The following RBMS3 variants were observed in gnomAD, a reference collection of about 807,000 sequenced individuals.
RBMS3 encodes RNA-binding motif, single-stranded-interacting protein 3.
In RBMS3, 27 loss-of-function variants were observed where a neutral mutation model predicts 66.8. The ratio of observed to expected loss-of-function variants is 0.40; its 90% CI spans 0.30 to 0.56. RBMS3 has a LOEUF of 0.56. Among genes scored for constraint, RBMS3 ranks in the 20% least tolerant of loss-of-function variants. The pLI is 0.40. For missense variants in RBMS3, 513 were observed against 549.5 expected (o/e 0.93, Z 0.66); for synonymous variants, 188 against 183.0 (o/e 1.03, Z -0.22).
chr3:29,969,999 A>C (rs1697120068), intron 12 of RBMS3, among the ~76,000 whole-genome samples: 2 of 152,198 alleles, frequency 1.3e-5, no homozygotes, highest in African/African-American at 4.8e-5. Context: ...TAGGAAATTC[A>C]AACCTACATA....
chr3:29,365,109 A>G (rs1030843201), intron 1 of RBMS3, among the ~76,000 whole-genome samples: 2 of 152,160 alleles, frequency 1.3e-5, no homozygotes, highest in Non-Finnish European at 2.9e-5. Context: ...TAATGTTAAT[A>G]TCAAGATTAT....
chr3:29,288,954 CCT>C (rs1234072575), intron 1 of RBMS3, among the ~76,000 whole-genome samples: 2 of 151,902 alleles, frequency 1.3e-5, no homozygotes, highest in South Asian at 2.1e-4. Context: ...TCAAAAAGCC[CCT>C]GTTAGCTGAA....
chr3:29,868,235 A>G (rs907163523), intron 6 of RBMS3, among the ~76,000 whole-genome samples: 4 of 151,656 alleles, frequency 2.6e-5, no homozygotes, highest in Non-Finnish European at 5.9e-5. Context: ...AGTTATAGCC[A>G]TATCCTTTGG....
At chr3:29,640,272 ACACACACACACACC>A (rs970999467) in intron 4 of RBMS3, among the ~76,000 whole-genome samples, 2 of 150,648 alleles carry the variant, frequency 1.3e-5, no homozygotes, top group South Asian at 4.3e-4. Context: ...ACACACACAC[ACACACACACACACC>A]CACACACACA....
chr3:29,397,203 G>A (rs1380842262), intron 1 of RBMS3, among the ~76,000 whole-genome samples: 1 of 152,102 alleles, frequency 6.6e-6, no homozygotes, highest in Non-Finnish European at 1.5e-5. Context: ...GGATGACATG[G>A]CAGATTAGGA....
intron 6 of RBMS3, among the ~76,000 whole-genome samples, chr3:29,865,626 G>C (rs1319284172): frequency 1.3e-5 from 2 of 152,054 alleles, no homozygotes; most frequent in Non-Finnish European, 2.9e-5. Context: ...AGGGAAAACT[G>C]GTATGGGAAC....
In RBMS3 at chr3:30,003,917, G is replaced by A; in HGVS notation, c.*55G>A. 7.2e-7 allele frequency: 1 copy of A among 1,387,958 alleles called. No individual in the cohort carries two copies. The highest frequency in any genetic ancestry group is 9.6e-7 in the Non-Finnish European group (1 of 1,045,848). The allele number at this position is 1,387,958 out of a possible 1,614,324, so 86.0% of individuals were successfully genotyped here. ...TTGCCTTGAATGAAGAAACTTCATT[G>A]AACAAGAAGTTGGCTTCCAGTTTGC... On this transcript the variant is annotated 3_prime_UTR_variant, in exon 15 of 15. Coordinates refer to ENST00000383767, the MANE Select transcript of RBMS3 (RefSeq NM_001003793.3).
intron 12 of RBMS3, among the ~76,000 whole-genome samples, chr3:29,961,958 TTATACA>T (rs1696479012): frequency 6.8e-6 from 1 of 146,838 alleles, no homozygotes; most frequent in Admixed American, 6.9e-5. Flanking sequence ...CCTTCCAGAA[TTATACA>T]TATATATGTA....
At chr3:29,543,697 G>C (rs1212851510) in intron 3 of RBMS3, among the ~76,000 whole-genome samples, 1 of 152,162 alleles carries the variant, frequency 6.6e-6, no homozygotes, top group Admixed American at 6.5e-5. Context: ...GTGACAGAGA[G>C]AGACTCTGTC....
chr3:29,534,437 C>G (rs1170917204), intron 3 of RBMS3, among the ~76,000 whole-genome samples: 1 of 152,104 alleles, frequency 6.6e-6, no homozygotes, highest in Non-Finnish European at 1.5e-5. Context: ...AGAGTTATCT[C>G]ATTTTGTAAT....
intron 4 of RBMS3, among the ~76,000 whole-genome samples, chr3:29,639,589 T>TAGAGAG (rs1216382179): frequency 8.8e-6 from 1 of 113,824 alleles, no homozygotes; most frequent in Non-Finnish European, 1.8e-5. Context: ...AGATAGAAGA[T>TAGAGAG]AGACAGAGAG....
chr3:29,475,638 C>T (rs59728880), intron 2 of RBMS3, among the ~76,000 whole-genome samples: 2,492 of 152,126 alleles, frequency 0.016, 68 homozygotes, highest in African/African-American at 0.055. Flanking sequence ...AAACATTTAC[C>T]GTATATCTAC....
rs192741877 is a variant in RBMS3 at position 29,769,027 on chromosome 3, A to G, written c.637+6038A>G. ...AAAGGAAGGTATTCACTTCACTAAA[A>G]TAGTAAAGTGAATTTCATGGCCCAA... On this transcript the variant is annotated intron_variant, in intron 6 of 14. Transcript: ENST00000383767. Among the ~76,000 whole-genome samples, 652 of 152,102 alleles carry G rather than the reference A, an allele frequency of 4.3e-3. 5 individuals carry two copies. Among genetic ancestry groups the G allele is most frequent in the African/African-American group, 0.015 (606 of 41,540 alleles).
intron 1 of RBMS3, among the ~76,000 whole-genome samples, chr3:29,341,357 C>T (rs2036271743): frequency 6.6e-6 from 1 of 152,040 alleles, no homozygotes; most frequent in Non-Finnish European, 1.5e-5. Flanking sequence ...AGGGAAATTT[C>T]ATTATGTTGC....
At chr3:29,298,760 G>A (rs146468951) in intron 1 of RBMS3, among the ~76,000 whole-genome samples, 3 of 151,918 alleles carry the variant, frequency 2.0e-5, no homozygotes, top group African/African-American at 7.2e-5. Context: ...CAGTGTTTGT[G>A]CAATGTTCAA....
chr3:29,702,456 G>T (rs940504386), intron 4 of RBMS3, among the ~76,000 whole-genome samples: 1 of 152,206 alleles, frequency 6.6e-6, no homozygotes, highest in Non-Finnish European at 1.5e-5. Flanking sequence ...ATGAAAGGCT[G>T]CCAGAGCTGG....
At chr3:29,982,252 G>C (rs1265762026) in intron 12 of RBMS3, among the ~76,000 whole-genome samples, 1 of 152,120 alleles carries the variant, frequency 6.6e-6, no homozygotes, top group Admixed American at 6.5e-5. Flanking sequence ...TTGTGTTTCT[G>C]TGAGATCAGT....
chr3:29,435,973 CA>C (rs71091061), intron 2 of RBMS3, among the ~76,000 whole-genome samples: 23 of 137,986 alleles, frequency 1.7e-4, no homozygotes, highest in East Asian at 4.3e-4. Flanking sequence ...GACTCCGTCT[CA>C]AAAAAAAAAA....
chr3:29,593,593 T>C (rs73831612), intron 4 of RBMS3, among the ~76,000 whole-genome samples: 1,990 of 152,322 alleles, frequency 0.013, 32 homozygotes, highest in African/African-American at 0.046. Context: ...ATAATGTCCA[T>C]GTCTTTTTGT....
Sources: allele counts gnomAD v4.1 joint callset (sites outside exome capture counted in the v4.1 genomes callset), GRCh38; gene constraint gnomAD v4.1.1; transcripts MANE v1.5; gene names NCBI Gene and HGNC (gene_info 2026-07-23, HGNC 2026-07-21).